Variants in PSME4 observed in about 807,000 individuals in gnomAD.
PSME4 encodes the protein proteasome activator subunit 4, also known as proteasome activator complex subunit 4.
In PSME4, 89 loss-of-function variants were observed where a neutral mutation model predicts 253.9. The observed-to-expected ratio is 0.35, with a 90% CI of 0.30 to 0.42. The LOEUF is 0.42. Among genes scored for constraint, PSME4 ranks in the 10% least tolerant of loss-of-function variants. The probability of loss-of-function intolerance (pLI) is 1.00; values close to 1 mark genes in which losing one functional copy is unlikely to be tolerated. For synonymous variants in PSME4, 851 were observed against 759.2 expected (o/e 1.12, Z -1.99); for missense variants, 2,014 against 2,195.2 (o/e 0.92, Z 1.65).
chr2:53,885,400 C>G lies in PSME4; in HGVS notation c.4815+290G>C, dbSNP rs193286337. 3.3e-5 allele frequency among the ~76,000 whole-genome samples: 5 copies of G among 152,318 alleles called. No homozygotes were observed. In the East Asian group the frequency reaches 9.6e-4, roughly 29 times the overall value. On this transcript the variant is annotated intron_variant, in intron 41 of 46. Coordinates refer to ENST00000404125, the MANE Select transcript of PSME4 (RefSeq NM_014614.3). ...AATTTCTTTGTAGCTTTTCTTTTAA[C>G]TGTCAATAATTCCTCTAATCTGCTA...
chr2:53,893,534 T>C, intron 35 of PSME4, 140 bp downstream of exon 35: 2 of 1,466,358 alleles, frequency 1.4e-6, no homozygotes, highest in Non-Finnish European at 1.8e-6. Flanking sequence ...AACAAAAGTC[T>C]GTACATGTTC....
chr2:53,970,245 G>A (rs1553343505), intron 1 of PSME4, among the ~76,000 whole-genome samples: 1 of 152,116 alleles, frequency 6.6e-6, no homozygotes, highest in Non-Finnish European at 1.5e-5. Flanking sequence ...TCGGGGCCGG[G>A]GCCCTTGGGC....
chr2:53,934,803 TA>T, intron 7 of PSME4, 76 bp from the exon 8 acceptor site: 1 of 1,095,092 alleles, frequency 9.1e-7, no homozygotes, highest in African/African-American at 1.6e-5. Context: ...TGCTGTATAT[TA>T]GTGTTACTGA....
chr2:53,876,359 C>T (rs1437264889), intron 41 of PSME4, among the ~76,000 whole-genome samples: 1 of 152,134 alleles, frequency 6.6e-6, no homozygotes, highest in Non-Finnish European at 1.5e-5. Flanking sequence ...GTGGCCTTTG[C>T]TGATTGCATC....
intron 8 of PSME4, among the ~76,000 whole-genome samples, chr2:53,933,375 C>CAAAAAAAAAAAAAAAAAAA (rs571833072): frequency 3.3e-4 from 20 of 60,614 alleles, no homozygotes; most frequent in East Asian, 1.3e-3. Context: ...GAGACCATCT[C>CAAAAAAAAAAAAAAAAAAA]AAAAAAAAAA....
intron 43 of PSME4, 112 bp from the exon 44 acceptor site, chr2:53,869,650 AAT>A: frequency 2.5e-6 from 2 of 793,748 alleles, no homozygotes; most frequent in Non-Finnish European, 3.7e-6. Flanking sequence ...ATTGCATGCA[AAT>A]TTTGTGTATG....
chr2:53,876,957 G>C (rs1015536629), intron 41 of PSME4, among the ~76,000 whole-genome samples: 11 of 151,618 alleles, frequency 7.3e-5, no homozygotes, highest in African/African-American at 2.4e-4. Flanking sequence ...TCCTGGGCTT[G>C]AGCAATCTTC....
At position 53,918,914 on chromosome 2, in the gene PSME4, T is replaced by C. The variant is rs1668178574; in HGVS notation, c.2516+237A>G. On this transcript the variant is annotated intron_variant, in intron 20 of 46. Coordinates refer to ENST00000404125, the MANE Select transcript of PSME4 (RefSeq NM_014614.3). ...GAGACTAACTTAATATCTCCACATT[T>C]GATATTTTAAAATTAATACCTAAAG... 2.0e-5 allele frequency among the ~76,000 whole-genome samples: 3 copies of C among 152,204 alleles called. No homozygotes were observed. The South Asian group carries it at 6.2e-4, about 31-fold the overall frequency.
intron 20 of PSME4, among the ~76,000 whole-genome samples, chr2:53,912,429 C>T (rs1667866552): frequency 6.6e-6 from 1 of 152,156 alleles, no homozygotes; most frequent in South Asian, 2.1e-4. Flanking sequence ...ACATGATTTA[C>T]AATAAATGCT....
chr2:53,893,612 T>A (rs1429595955), intron 35 of PSME4, 62 bp downstream of exon 35: 2 of 1,580,106 alleles, frequency 1.3e-6, no homozygotes, highest in Non-Finnish European at 1.7e-6. Flanking sequence ...TTATAAGTTA[T>A]GAACCTACGA....
chr2:53,873,238 C>CAAAAAAAAAAAA (rs60203960), intron 43 of PSME4, among the ~76,000 whole-genome samples: 13 of 123,134 alleles, frequency 1.1e-4, no homozygotes, highest in African/African-American at 2.0e-4. Context: ...GACTCCGTCT[C>CAAAAAAAAAAAA]AAAAAAAAAG....
Position 53,874,454 on chromosome 2 carries a change from A to C in PSME4, c.4985T>G (p.Leu1662Arg). Residue 1662 changes from leucine to arginine, a missense_variant, in exon 43 of 47, where the codon CTG becomes CGG. Leu to Arg is a moderately radical substitution (Grantham distance 102). This residue lies in a region of PSME4 where 403 missense variants were observed against 556.1 expected (regional missense o/e 0.72). Transcript: ENST00000404125. The part of the protein sequence containing the change: ...SSSWHARYTV[L>R]TYLQTMVFYN... ...AAATACCATGGTCTGGAGGTAGGTC[A>C]GTACTGTGTATCGTGCATGCCAAGA... 6.2e-7 allele frequency: 1 copy of C among 1,614,092 alleles called. No homozygotes were observed. The highest frequency in any genetic ancestry group is 8.5e-7 in the Non-Finnish European group (1 of 1,179,974).
intron 37 of PSME4, among the ~76,000 whole-genome samples, 199 bp from the exon 38 acceptor site, chr2:53,889,011 A>G (rs1679768145): frequency 6.6e-6 from 1 of 152,174 alleles, no homozygotes. Flanking sequence ...GACCACAGGC[A>G]TGCGCCACTA....
At chr2:53,947,609 G>C (rs988046925) in intron 3 of PSME4, among the ~76,000 whole-genome samples, 3 of 152,212 alleles carry the variant, frequency 2.0e-5, no homozygotes, top group Non-Finnish European at 4.4e-5. Flanking sequence ...GGGAGGCTGA[G>C]GCAGGAGAAC....
At chr2:53,923,449 A>G (rs1380486607) in intron 14 of PSME4, 30 bp from the exon 15 acceptor site, 1 of 1,544,356 alleles carries the variant, frequency 6.5e-7, no homozygotes, top group Non-Finnish European at 8.7e-7. Flanking sequence ...TTTAATGAGC[A>G]TTTTTTAAGA....
In PSME4 at chr2:53,866,074, T is replaced by C. The variant is rs368455428; in HGVS notation, c.*4+11A>G. On this transcript the variant is annotated intron_variant, in intron 46 of 46. Transcript: ENST00000404125. ...CCAAACCAATGTAAATTCAGAACTT[T>C]GCTGACTTACCTTTCTATGCATAAT... 2 of 1,599,704 alleles carry C rather than the reference T, an allele frequency of 1.3e-6. No homozygotes were observed. Among genetic ancestry groups the C allele is most frequent in the Non-Finnish European group, 1.7e-6 (2 of 1,171,606 alleles).
At chr2:53,940,255 A>T (rs1327131736) in intron 3 of PSME4, among the ~76,000 whole-genome samples, 1 of 152,166 alleles carries the variant, frequency 6.6e-6, no homozygotes, top group Non-Finnish European at 1.5e-5. Context: ...CTGGGAAAAG[A>T]ACAAATTGTT....
At chr2:53,941,565 A>C (rs938677745) in intron 3 of PSME4, among the ~76,000 whole-genome samples, 1 of 152,024 alleles carries the variant, frequency 6.6e-6, no homozygotes, top group Non-Finnish European at 1.5e-5. Context: ...ATTTATACTT[A>C]TCTGTCTATT....
chr2:53,936,250 G>C, intron 6 of PSME4, 89 bp from the exon 7 acceptor site: 3 of 1,554,760 alleles, frequency 1.9e-6, no homozygotes, highest in Non-Finnish European at 2.6e-6. Context: ...TGTTCTTTTT[G>C]GCAATCATTA....
Sources: gnomAD v4.1 joint callset for allele counts (sites outside exome capture counted in the v4.1 genomes callset) on GRCh38, gnomAD v4.1.1 for gene constraint, gnomAD v4.1.1 regional missense constraint, MANE v1.5 for transcripts, NCBI Gene and HGNC (gene_info 2026-07-23, HGNC 2026-07-21) for gene names.